PSG8: variants seen among roughly 807,000 people sequenced by gnomAD.
PSG8 encodes pregnancy specific beta-1-glycoprotein 8.
In PSG8, 57 loss-of-function variants were observed where a neutral mutation model predicts 42.5. That is an observed-to-expected ratio of 1.34 (90% CI 1.08 to 1.67). The LOEUF is 1.67. PSG8 is among the 40% of genes most tolerant of loss of function. The pLI, the probability that PSG8 is intolerant of heterozygous loss-of-function variation, is 0.00. For missense variants in PSG8, 783 were observed against 518.6 expected (o/e 1.51, Z -4.95); for synonymous variants, 280 against 196.8 (o/e 1.42, Z -3.54).
At chr19:42,763,053 G>A (rs1970117102) in intron 2 of PSG8, among the ~76,000 whole-genome samples, 2 of 152,144 alleles carry the variant, frequency 1.3e-5, no homozygotes, top group Non-Finnish European at 2.9e-5. Context: ...GGCTTTTCAT[G>A]CTATCTGTGA....
Position 42,757,933 on chromosome 19 carries a change from G to T in PSG8, c.709+69C>A, listed in dbSNP as rs1178642328. On this transcript the variant is annotated intron_variant, in intron 3 of 4. Transcript: ENST00000306511. Reference sequence around the variant, plus strand: ...TGTACTTGGACCTGAGAGGGACTGAGAGGCCTGGTCTCTGGCCACGTGTAT... The same window carrying T: ...TGTACTTGGACCTGAGAGGGACTGATAGGCCTGGTCTCTGGCCACGTGTAT... The T allele has an allele frequency of 2.7e-5, 44 of 1,613,710 alleles. 1 individual carries two copies. The South Asian group carries it at 4.7e-4, about 17-fold the overall frequency.
rs1969967686 is a variant in PSG8 at position 42,757,918 on chromosome 19, C to T, written c.709+84G>A. ...AGGGGTAAAGGTCTCTGTACTTGGACCTGAGAGGGACTGAGAGGCCTGGTC... is the reference window on the plus strand; with the variant it reads ...AGGGGTAAAGGTCTCTGTACTTGGATCTGAGAGGGACTGAGAGGCCTGGTC... On this transcript the variant is annotated intron_variant, in intron 3 of 4. Transcript: ENST00000306511. The T allele has an allele frequency of 2.0e-5, 33 of 1,613,486 alleles. 1 individual carries two copies. The South Asian group carries it at 3.6e-4, about 18-fold the overall frequency.
Position 42,754,455 on chromosome 19 carries a change from A to G in PSG8, c.1121T>C (p.Leu374Pro), listed in dbSNP as rs1367696932. The change falls in exon 5 of 5, where the codon CTA (leucine) becomes CCA (proline). Residue 374 changes from leucine (L) to proline (P), a missense_variant. Physicochemically the swap from Leu to Pro is moderately conservative, Grantham distance 98 (BLOSUM62 -3). Coordinates refer to ENST00000306511, the MANE Select transcript of PSG8 (RefSeq NM_182707.3). ...YSWTINGKFQLSGQKLFIPQI... is the reference protein window; with the variant it reads ...YSWTINGKFQPSGQKLFIPQI... ...GGGGATAAAGAGCTTTTGTCCTGAT[A>G]GCTGAAACTTCCCATTAATTGTCCA... 6.2e-7 allele frequency: 1 copy of G among 1,613,922 alleles called. No individual in the cohort carries two copies.
intron 1 of PSG8, among the ~76,000 whole-genome samples, chr19:42,765,189 G>C (rs1044679030): frequency 5.6e-5 from 8 of 143,358 alleles, no homozygotes; most frequent in African/African-American, 1.3e-4. Context: ...GTCTCATACT[G>C]TCTCCCAGGC....
chr19:42,764,570 G>C (rs1287966146), intron 1 of PSG8, among the ~76,000 whole-genome samples: 1 of 151,918 alleles, frequency 6.6e-6, no homozygotes, highest in Admixed American at 6.6e-5. Context: ...CCAGGGGTCC[G>C]CATGGCCCCC....
At chr19:42,754,019 A>T (rs1244296781), downstream of PSG8, 1 of 868,706 alleles carries the variant, frequency 1.2e-6, no homozygotes. Context: ...CAATGTAGAA[A>T]ACAAACCATT....
downstream of PSG8, chr19:42,752,721 G>C (rs934057092): frequency 6.1e-6 from 1 of 163,466 alleles, no homozygotes; most frequent in Non-Finnish European, 1.3e-5. Flanking sequence ...TATTCTGCTA[G>C]AATCAGTATT....
Position 42,764,222 on chromosome 19 carries a change from G to C in PSG8, c.124C>G (p.Pro42Ala). ...TTAQVTIEAQ[P>A]TKVSEGKDVL... ...TCCTTCCCCTCAGAAACTTTGGTTG[G>C]CTGGGCTTCAATCGTGACTTGGGCA... The change falls in exon 2 of 5, where the codon CCA becomes GCA. Residue 42 changes from proline to alanine, a missense_variant. Physicochemically the swap from Pro to Ala is conservative, Grantham distance 27 (BLOSUM62 -1). Transcript: ENST00000306511. The C allele has an allele frequency of 1.2e-6, 2 of 1,613,790 alleles. No homozygotes were observed. The highest frequency in any genetic ancestry group is 8.5e-7 in the Non-Finnish European group (1 of 1,179,840).
intron 3 of PSG8, 106 bp downstream of exon 3, chr19:42,757,896 G>T (rs1568376262): frequency 1.2e-6 from 2 of 1,611,512 alleles, no homozygotes; most frequent in East Asian, 4.5e-5. Context: ...GATGTCCAGG[G>T]GTAAAGGTCT....
In PSG8 at chr19:42,758,277, T is replaced by G. The variant is rs558757365; in HGVS notation, c.434A>C (p.Glu145Ala). 6.2e-7 allele frequency: 1 copy of G among 1,613,628 alleles called. No homozygotes were observed. Among genetic ancestry groups the G allele is most frequent in the South Asian group, 1.1e-5 (1 of 91,040 alleles). ...TGHFTFTLYL[E>A]TPKPSISSSK... ...GCTGGAGATGGAGGGCTTGGGAGTC[T>G]CCACTGTGCAGAAAACAGAGAGAAG... is the stretch of plus-strand genomic sequence containing the variant. Residue 145 changes from glutamate to alanine, a missense_variant, in exon 3 of 5, where the codon GAG (glutamate) becomes GCG (alanine). Coordinates refer to ENST00000306511, the MANE Select transcript of PSG8 (RefSeq NM_182707.3).
intron 2 of PSG8, among the ~76,000 whole-genome samples, chr19:42,761,442 G>A (rs117393490): frequency 0.02 from 3,052 of 152,080 alleles, 1 homozygote; most frequent in Non-Finnish European, 0.031. Flanking sequence ...TACAAAAGTT[G>A]TAACTAATTG....
chr19:42,759,642 G>C (rs1392682853), intron 2 of PSG8, among the ~76,000 whole-genome samples: 3 of 152,070 alleles, frequency 2.0e-5, no homozygotes, highest in Non-Finnish European at 2.9e-5. Flanking sequence ...TTCTGGATTT[G>C]GGATGCTCAA....
At chr19:42,765,462 C>G in intron 1 of PSG8, 56 bp downstream of exon 1, 1 of 1,602,500 alleles carries the variant, frequency 6.2e-7, no homozygotes, top group Non-Finnish European at 8.5e-7. Flanking sequence ...CAAGGAGACC[C>G]CATCCAGTCA....
rs749649602 is a variant in PSG8, at chr19:42,754,439, G to T, written c.1137C>A (p.Leu379=). Reference sequence around the variant, plus strand: ...GCTTTGTAGTAATTTGGGGGATAAAGAGCTTTTGTCCTGATAGCTGAAACT... The same window carrying T: ...GCTTTGTAGTAATTTGGGGGATAAATAGCTTTTGTCCTGATAGCTGAAACT... ...NGKFQLSGQK[L]FIPQITTKHS... The change falls in exon 5 of 5, where the codon CTC becomes CTA. Residue 379 remains leucine, a synonymous_variant. Coordinates refer to ENST00000306511, the MANE Select transcript of PSG8 (RefSeq NM_182707.3). 3 of 1,613,902 alleles carry T rather than the reference G, an allele frequency of 1.9e-6. No homozygotes were observed. Among genetic ancestry groups the T allele is most frequent in the Non-Finnish European group, 1.7e-6 (2 of 1,179,838 alleles).
intron 2 of PSG8, 31 bp downstream of exon 2, chr19:42,763,885 C>G: frequency 6.2e-7 from 1 of 1,613,554 alleles, no homozygotes; most frequent in East Asian, 2.2e-5. Flanking sequence ...CCCTGTCCCC[C>G]AACACCCAGG....
chr19:42,763,824 C>T, intron 2 of PSG8, 92 bp downstream of exon 2: 6 of 1,601,104 alleles, frequency 3.7e-6, no homozygotes, highest in South Asian at 2.2e-5. Flanking sequence ...CAGAGAGGGA[C>T]ACAGGCAATG....
In PSG8 at chr19:42,757,416, C is replaced by G. The variant is rs577574127; in HGVS notation, c.709+586G>C. Among the ~76,000 whole-genome samples, 51 of 151,998 alleles carry G rather than the reference C, an allele frequency of 3.4e-4. No homozygotes were observed. The South Asian group carries it at 3.8e-3, about 11-fold the overall frequency. ...GTTATGGATGAAACAGACATAGACC[C>G]CTCTATATGTTTTAGTGATTTGGGG... On this transcript the variant is annotated intron_variant, in intron 3 of 4. Transcript: ENST00000306511.
In PSG8 at chr19:42,757,198, C is replaced by T. The variant is rs569188314; in HGVS notation, c.709+804G>A. On this transcript the variant is annotated intron_variant, in intron 3 of 4. Transcript: ENST00000306511. ...AAAGAGTGAAGGGGACAGGCAAAAG[C>T]TGGTGGTTTTGGAGCAGAAACATAT... 9.5e-4 allele frequency among the ~76,000 whole-genome samples: 145 copies of T among 152,042 alleles called. 1 individual carries two copies. Among genetic ancestry groups the T allele is most frequent in the African/African-American group, 3.4e-3 (142 of 41,438 alleles).
rs558478881 is a variant in PSG8, at chr19:42,764,256, T to A, written c.90A>T (p.Pro30=). 1.2e-6 allele frequency: 2 copies of A among 1,613,538 alleles called. No individual in the cohort carries two copies. The highest frequency in any genetic ancestry group is 4.5e-5 in the East Asian group (2 of 44,826). ...LTASLLNFWN[P]PTTAQVTIEA... Reference sequence around the variant, plus strand: ...CAATCGTGACTTGGGCAGTCGTGGGTGGGTTCCAGAAGTTTAAAAGTGATG... The same window carrying A: ...CAATCGTGACTTGGGCAGTCGTGGGAGGGTTCCAGAAGTTTAAAAGTGATG... The change falls in exon 2 of 5, where the codon CCA becomes CCT. Residue 30 remains proline (P), a synonymous_variant. Coordinates refer to ENST00000306511, the MANE Select transcript of PSG8 (RefSeq NM_182707.3).
Sources: gnomAD v4.1 joint callset for allele counts (sites outside exome capture counted in the v4.1 genomes callset) on GRCh38, gnomAD v4.1.1 for gene constraint, MANE v1.5 for transcripts, NCBI Gene and HGNC (gene_info 2026-07-23, HGNC 2026-07-21) for gene names.